The following UBE2E1 variants were observed in gnomAD, a reference collection of about 807,000 sequenced individuals.
UBE2E1 encodes ubiquitin-conjugating enzyme E2 E1.
A neutral mutation model predicts 21.4 loss-of-function variants in UBE2E1; 6 were observed. The ratio of observed to expected loss-of-function variants is 0.28; its 90% confidence interval spans 0.15 to 0.55. The LOEUF (loss-of-function observed/expected upper bound fraction) is 0.55, where lower values mean the gene tolerates loss of function less well. Among genes scored for constraint, UBE2E1 ranks in the 20% least tolerant of loss-of-function variants. UBE2E1 has a pLI of 0.93. For missense variants in UBE2E1, 142 were observed against 236.5 expected, an observed-to-expected ratio of 0.60 and a Z score of 2.62; for synonymous variants, 87 against 82.7, an observed-to-expected ratio of 1.05 and a Z score of -0.28.
chr3:23,825,414 G>A (rs1030491682), intron 3 of UBE2E1, among the ~76,000 whole-genome samples: 8 of 152,056 alleles, frequency 5.3e-5, no homozygotes, highest in Non-Finnish European at 8.8e-5. Context: ...GATATTTATC[G>A]GCCATTTATT....
rs554560584 is a variant in UBE2E1, at chr3:23,832,801, C to T, written c.203+21291C>T. Reference sequence around the variant, plus strand: ...ATCTCAGCACTTTGGTTAGCTAAGGCGGGTGGATTGCTTGAGCCCAGGAGT... The same window carrying T: ...ATCTCAGCACTTTGGTTAGCTAAGGTGGGTGGATTGCTTGAGCCCAGGAGT... On this transcript the variant is annotated intron_variant, in intron 3 of 5. Transcript: ENST00000306627. 5.3e-5 allele frequency among the ~76,000 whole-genome samples: 8 copies of T among 152,182 alleles called. No homozygotes were observed. The South Asian group carries it at 1.2e-3, about 24-fold the overall frequency.
At chr3:23,850,820 T>C (rs544204316) in intron 3 of UBE2E1, among the ~76,000 whole-genome samples, 78 of 139,708 alleles carry the variant, frequency 5.6e-4, no homozygotes, top group South Asian at 1.4e-3. Context: ...ACTACAGATG[T>C]GCGCCACCAC....
chr3:23,858,958 G>T (rs6803214), intron 3 of UBE2E1, among the ~76,000 whole-genome samples: 3 of 151,950 alleles, frequency 2.0e-5, no homozygotes, highest in Non-Finnish European at 4.4e-5. Context: ...CAAATACCTC[G>T]TATTTTAATC....
chr3:23,885,073 G>A (rs1701149181), intron 3 of UBE2E1, among the ~76,000 whole-genome samples: 1 of 152,192 alleles, frequency 6.6e-6, no homozygotes, highest in Non-Finnish European at 1.5e-5. Context: ...CAGTTCTGGA[G>A]GCTAGAAATA....
intron 3 of UBE2E1, among the ~76,000 whole-genome samples, chr3:23,885,183 TAG>T (rs1174068406): frequency 2.6e-5 from 4 of 152,212 alleles, no homozygotes. Flanking sequence ...AGAGAAAAGT[TAG>T]AGAGCTTTTG....
intron 3 of UBE2E1, among the ~76,000 whole-genome samples, chr3:23,857,252 T>C (rs1700462648): frequency 6.6e-6 from 1 of 151,946 alleles, no homozygotes; most frequent in Admixed American, 6.5e-5. Flanking sequence ...TGGTGGTTTT[T>C]TTTTTCTTTC....
chr3:23,887,888 G>A lies in UBE2E1; in HGVS notation c.336+189G>A, dbSNP rs1701224321. 1.4e-6 allele frequency: 1 copy of A among 708,006 alleles called. No individual in the cohort carries two copies. The highest frequency in any genetic ancestry group is 2.2e-6 in the Non-Finnish European group (1 of 450,698). The allele number at this position is 708,006 out of a possible 1,614,324, so 43.9% of individuals were successfully genotyped here. A position where few individuals can be genotyped will look rare whatever the true frequency, so the allele number is the denominator to read the frequency against. Reference sequence around the variant, plus strand: ...CCTTATCTGGCAGAGACCATTCTAGGATTAAGTGCTTTGTTTTGATGGTGC... The same window carrying A: ...CCTTATCTGGCAGAGACCATTCTAGAATTAAGTGCTTTGTTTTGATGGTGC... On this transcript the variant is annotated intron_variant, in intron 4 of 5. Transcript: ENST00000306627. This position sits in a 1 kb window ranked among gnomAD's most constrained non-coding sequence, Gnocchi z 4.4.
chr3:23,862,009 C>A (rs780746863), intron 3 of UBE2E1, among the ~76,000 whole-genome samples: 49 of 152,378 alleles, frequency 3.2e-4, no homozygotes, highest in Non-Finnish European at 5.9e-4. Flanking sequence ...CATCCTGTAA[C>A]ATATGCCCAC....
At chr3:23,877,158 TAACA>T (rs953037824) in intron 3 of UBE2E1, among the ~76,000 whole-genome samples, 1 of 152,226 alleles carries the variant, frequency 6.6e-6, no homozygotes, top group Non-Finnish European at 1.5e-5. Flanking sequence ...TCTGCATTTC[TAACA>T]AACTCCCAGG....
At chr3:23,884,024 G>C (rs1013351530) in intron 3 of UBE2E1, among the ~76,000 whole-genome samples, 1 of 151,942 alleles carries the variant, frequency 6.6e-6, no homozygotes, top group Non-Finnish European at 1.5e-5. Context: ...CCTCACTACT[G>C]CATTTTCTTC....
At chr3:23,818,924 G>A (rs1471060) in intron 3 of UBE2E1, among the ~76,000 whole-genome samples, 116,016 of 152,080 alleles carry the variant, frequency 0.76, 44,823 homozygotes, top group African/African-American at 0.87. Flanking sequence ...GCTCTAAAGT[G>A]TAAGAACTTA....
At position 23,853,767 on chromosome 3, in the gene UBE2E1, A is replaced by G. The variant is rs1700377224; in HGVS notation, c.204-33800A>G. On this transcript the variant is annotated intron_variant, in intron 3 of 5. Coordinates refer to ENST00000306627, the MANE Select transcript of UBE2E1 (RefSeq NM_003341.5). The surrounding 1 kb of genome is among the most constrained non-coding windows in gnomAD (Gnocchi z 4.1). ...GCATTTGGTAGTCTGCCAGTGCTCA[A>G]AAATTCCTGGTGGTGGTTTTTCAGG... Among the ~76,000 whole-genome samples the G allele has an allele frequency of 6.6e-6, 1 of 152,176 alleles. No homozygotes were observed. The highest frequency in any genetic ancestry group is 2.4e-5 in the African/African-American group (1 of 41,436).
Position 23,810,688 on chromosome 3 carries a change from T to C in UBE2E1, c.153-772T>C. The C allele has an allele frequency of 1.6e-6, 1 of 633,764 alleles. No individual in the cohort carries two copies. Among genetic ancestry groups the C allele is most frequent in the Non-Finnish European group, 2.5e-6 (1 of 398,612 alleles). The allele number at this position is 633,764 out of a possible 1,614,324, so 39.3% of individuals were successfully genotyped here. A position where few individuals can be genotyped will look rare whatever the true frequency, so the allele number is the denominator to read the frequency against. ...TTCGCGCGCGGTCTCGGGCCAAGGT[T>C]CTGGGCGCCGGGAGAGGAGAGCTGG... On this transcript the variant is annotated intron_variant, in intron 2 of 5. Coordinates refer to ENST00000306627, the MANE Select transcript of UBE2E1 (RefSeq NM_003341.5). The surrounding 1 kb of genome is among the most constrained non-coding windows in gnomAD (Gnocchi z 5.8).
At chr3:23,818,640 C>G (rs1699577849) in intron 3 of UBE2E1, among the ~76,000 whole-genome samples, 1 of 152,160 alleles carries the variant, frequency 6.6e-6, no homozygotes, top group South Asian at 2.1e-4. Flanking sequence ...CATTTTGATG[C>G]TTCCGTGTGT....
chr3:23,848,560 C>G (rs2125305586), intron 3 of UBE2E1, among the ~76,000 whole-genome samples: 1 of 152,008 alleles, frequency 6.6e-6, no homozygotes, highest in Admixed American at 6.5e-5. Flanking sequence ...CAAATATGTC[C>G]TTATGCTTAA....
At chr3:23,837,122 A>G (rs1699989637) in intron 3 of UBE2E1, among the ~76,000 whole-genome samples, 1 of 152,204 alleles carries the variant, frequency 6.6e-6, no homozygotes, top group Non-Finnish European at 1.5e-5. Context: ...CCTACCTCAT[A>G]GAGTTTTTAG....
chr3:23,877,696 G>A (rs192900193), intron 3 of UBE2E1, among the ~76,000 whole-genome samples: 302 of 152,256 alleles, frequency 2.0e-3, no homozygotes, highest in Non-Finnish European at 3.5e-3. Context: ...TGTACTTTAT[G>A]TAAGTGACAT....
Position 23,806,133 on chromosome 3 carries a change from C to G in UBE2E1, c.-34+45C>G, listed in dbSNP as rs1419335483. ...GGCCCGCCGCCCCCCGGCCGCGCCG[C>G]CGGGCCTCGGGGACACCCCTCGCCG... On this transcript the variant is annotated intron_variant, in intron 1 of 5. Coordinates refer to ENST00000306627, the MANE Select transcript of UBE2E1 (RefSeq NM_003341.5). This position sits in a 1 kb window ranked among gnomAD's most constrained non-coding sequence, Gnocchi z 6.5. 3 of 147,870 alleles carry G rather than the reference C, an allele frequency of 2.0e-5. No individual in the cohort carries two copies. Among genetic ancestry groups the G allele is most frequent in the South Asian group, 2.1e-4 (1 of 4,818 alleles). The allele number at this position is 147,870 out of a possible 1,614,324, so 9.2% of individuals were successfully genotyped here.
chr3:23,814,926 A>G (rs996863493), intron 3 of UBE2E1, among the ~76,000 whole-genome samples: 2 of 152,266 alleles, frequency 1.3e-5, no homozygotes, highest in Admixed American at 6.5e-5. Context: ...ATTTTAGGAT[A>G]AAATGTCTGA....
Sources: allele counts gnomAD v4.1 joint callset (sites outside exome capture counted in the v4.1 genomes callset), GRCh38; gene constraint gnomAD v4.1.1; non-coding constraint Gnocchi (gnomAD v3.1); transcripts MANE v1.5; gene names NCBI Gene and HGNC (gene_info 2026-07-23, HGNC 2026-07-21).